NAALADL2: variants seen among roughly 807,000 people sequenced by gnomAD.
NAALADL2 encodes the protein N-acetylated alpha-linked acidic dipeptidase like 2.
NAALADL2 carries 76 observed loss-of-function variants against 87.2 expected under a neutral mutation model. The observed-to-expected ratio is 0.87, with a 90% CI of 0.72 to 1.05. The LOEUF is 1.05. Ranked by LOEUF, NAALADL2 falls within the 50% of genes least tolerant of loss-of-function variation. The pLI, the probability that NAALADL2 is intolerant of heterozygous loss-of-function variation, is 0.00. For missense variants in NAALADL2, 1,089 were observed against 945.8 expected (o/e 1.15, Z -1.99); for synonymous variants, 354 against 331.0 (o/e 1.07, Z -0.75).
At chr3:174,513,293 C>T (rs1719727802) in intron 1 of NAALADL2, among the ~76,000 whole-genome samples, 1 of 152,144 alleles carries the variant, frequency 6.6e-6, no homozygotes. Context: ...ATTTCAATGA[C>T]ATGCTGGTAT....
chr3:175,208,931 A>T (rs544972271), intron 2 of NAALADL2, among the ~76,000 whole-genome samples: 46 of 152,202 alleles, frequency 3.0e-4, no homozygotes, highest in South Asian at 1.0e-3. Context: ...CTTCTCAGTT[A>T]TAGATAATTT....
At chr3:175,396,322 A>AAAAACCAGATTAAAAATT (rs1769777348) in intron 5 of NAALADL2, among the ~76,000 whole-genome samples, 1 of 152,158 alleles carries the variant, frequency 6.6e-6, no homozygotes, top group Non-Finnish European at 1.5e-5. Flanking sequence ...ATTTTAATTT[A>AAAAACCAGATTAAAAATT]AAAACCAGAT....
intron 2 of NAALADL2, among the ~76,000 whole-genome samples, chr3:174,553,502 A>G (rs1487354439): frequency 6.6e-6 from 1 of 152,156 alleles, no homozygotes; most frequent in Non-Finnish European, 1.5e-5. Flanking sequence ...AAGCAAGATA[A>G]TGTTGCTTTA....
At chr3:174,973,545 C>T (rs1202302738) in intron 1 of NAALADL2, among the ~76,000 whole-genome samples, 2 of 152,030 alleles carry the variant, frequency 1.3e-5, no homozygotes, top group African/African-American at 4.8e-5. Flanking sequence ...TTTATAGGAA[C>T]AAATGTTATT....
intron 2 of NAALADL2, among the ~76,000 whole-genome samples, chr3:174,732,885 T>C (rs895839910): frequency 6.6e-6 from 1 of 152,178 alleles, no homozygotes; most frequent in Non-Finnish European, 1.5e-5. Context: ...GGGTTTTTTC[T>C]TTTATATGTG....
intron 10 of NAALADL2, among the ~76,000 whole-genome samples, chr3:175,615,760 G>A (rs1214436462): frequency 1.3e-5 from 2 of 151,622 alleles, no homozygotes; most frequent in Non-Finnish European, 2.9e-5. Context: ...GGGAGGCTGA[G>A]GCAGGAGAAT....
intron 2 of NAALADL2, among the ~76,000 whole-genome samples, chr3:175,189,526 G>A (rs1175495817): frequency 6.6e-6 from 1 of 152,112 alleles, no homozygotes; most frequent in Non-Finnish European, 1.5e-5. Flanking sequence ...GGAGGTAAAA[G>A]TTTCTTACAC....
intron 2 of NAALADL2, among the ~76,000 whole-genome samples, chr3:175,139,324 T>C (rs1729638692): frequency 6.6e-6 from 1 of 152,080 alleles, no homozygotes; most frequent in Non-Finnish European, 1.5e-5. Context: ...AAAAAGTGAT[T>C]CATTGAAAAA....
At chr3:175,610,335 T>A (rs1027147107) in intron 10 of NAALADL2, among the ~76,000 whole-genome samples, 1 of 152,170 alleles carries the variant, frequency 6.6e-6, no homozygotes, top group African/African-American at 2.4e-5. Flanking sequence ...TTTTTGTTTA[T>A]TTAACAATGT....
At chr3:175,375,652 G>C (rs1385751789) in intron 5 of NAALADL2, among the ~76,000 whole-genome samples, 1 of 152,016 alleles carries the variant, frequency 6.6e-6, no homozygotes, top group East Asian at 1.9e-4. Context: ...TAACCAATCT[G>C]TCTTTATATT....
At chr3:175,397,114 A>AAACAAC (rs562672660) in intron 5 of NAALADL2, 6 of 151,842 alleles carry the variant, frequency 4.0e-5, no homozygotes, top group East Asian at 1.9e-4. Context: ...CGTTCCATGG[A>AAACAAC]AACAACAACA....
chr3:174,866,397 A>G (rs948974543), intron 1 of NAALADL2, among the ~76,000 whole-genome samples: 29 of 151,822 alleles, frequency 1.9e-4, no homozygotes, highest in African/African-American at 6.8e-4. Flanking sequence ...AAAAATTTCA[A>G]ACCTATAGTA....
chr3:174,646,590 C>A (rs1723803392), intron 2 of NAALADL2, among the ~76,000 whole-genome samples: 1 of 141,118 alleles, frequency 7.1e-6, no homozygotes, highest in South Asian at 2.2e-4. Flanking sequence ...ATTAAGAATT[C>A]TTTTAAGATA....
At chr3:175,420,483 T>A (rs1404508609) in intron 5 of NAALADL2, among the ~76,000 whole-genome samples, 1 of 152,048 alleles carries the variant, frequency 6.6e-6, no homozygotes, top group Non-Finnish European at 1.5e-5. Flanking sequence ...ACAGTTTAGG[T>A]CAACATTTAT....
intron 6 of NAALADL2, among the ~76,000 whole-genome samples, chr3:175,460,632 C>T (rs1722972801): frequency 6.6e-6 from 1 of 151,958 alleles, no homozygotes; most frequent in Non-Finnish European, 1.5e-5. Context: ...AAGCAGCTCT[C>T]AAAAAATAAA....
intron 1 of NAALADL2, among the ~76,000 whole-genome samples, chr3:174,961,119 T>C (rs1045611280): frequency 9.5e-5 from 14 of 148,068 alleles, no homozygotes; most frequent in Non-Finnish European, 1.3e-4. Flanking sequence ...TAATGATATA[T>C]AATATTAATA....
chr3:175,273,890 A>G (rs1457546836), intron 4 of NAALADL2, among the ~76,000 whole-genome samples: 1 of 152,128 alleles, frequency 6.6e-6, no homozygotes. Context: ...TACAGTTTTT[A>G]AATTTTTTAA....
chr3:175,340,773 G>A (rs1170541175), intron 5 of NAALADL2, among the ~76,000 whole-genome samples: 1 of 152,110 alleles, frequency 6.6e-6, no homozygotes, highest in Non-Finnish European at 1.5e-5. Context: ...GACTTCCTTT[G>A]TTTGATCAAT....
intron 2 of NAALADL2, among the ~76,000 whole-genome samples, chr3:175,153,520 G>C (rs921001607): frequency 4.6e-5 from 7 of 152,146 alleles, no homozygotes; most frequent in Non-Finnish European, 1.0e-4. Flanking sequence ...CCTTTCTGCT[G>C]TAGGGACACT....
Sources: gnomAD v4.1 joint callset for allele counts (sites outside exome capture counted in the v4.1 genomes callset) on GRCh38, gnomAD v4.1.1 for gene constraint, MANE v1.5 for transcripts, NCBI Gene and HGNC (gene_info 2026-07-23, HGNC 2026-07-21) for gene names.